RAB3GAP2: variants seen among roughly 807,000 people sequenced by gnomAD.
RAB3GAP2 encodes the protein RAB3 GTPase activating non-catalytic protein subunit 2.
Under a neutral mutation model 185.3 loss-of-function variants are expected in RAB3GAP2, and 87 were observed. The observed-to-expected ratio is 0.47, with a 90% CI of 0.39 to 0.56. RAB3GAP2 has a LOEUF of 0.56. Among genes scored for constraint, RAB3GAP2 ranks in the 20% least tolerant of loss-of-function variants. The pLI, the probability that RAB3GAP2 is intolerant of heterozygous loss-of-function variation, is 0.00. For missense variants in RAB3GAP2, 1,492 were observed against 1,638.2 expected (o/e 0.91, Z 1.54); for synonymous variants, 554 against 576.1 (o/e 0.96, Z 0.55).
In RAB3GAP2 at chr1:220,182,328, G is replaced by T. The variant is rs997283236; in HGVS notation, c.2239C>A (p.His747Asn). ...LGSFFFWKCL[H>N]GESSTEDMCH... ...ATATCCTCAGTGGAGCTTTCTCCATGCAAACACTTCCAAAAAAAGAAACTA... is the reference window on the plus strand; with the variant it reads ...ATATCCTCAGTGGAGCTTTCTCCATTCAAACACTTCCAAAAAAAGAAACTA... Residue 747 changes from histidine (H) to asparagine (N), a missense_variant, in exon 21 of 35, where the codon CAT (histidine) becomes AAT (asparagine). By Grantham distance (68) the His-to-Asn change is moderately conservative. Coordinates refer to ENST00000358951, the MANE Select transcript of RAB3GAP2 (RefSeq NM_012414.4). The T allele has an allele frequency of 6.2e-7, 1 of 1,613,968 alleles. No homozygotes were observed. The highest frequency in any genetic ancestry group is 1.3e-5 in the African/African-American group (1 of 75,008).
chr1:220,203,179 TG>T (rs1349523932), intron 8 of RAB3GAP2, among the ~76,000 whole-genome samples: 1 of 152,144 alleles, frequency 6.6e-6, no homozygotes, highest in African/African-American at 2.4e-5. Flanking sequence ...GCAACAGCAC[TG>T]TCAAAAAAAT....
Position 220,245,298 on chromosome 1 carries a change from C to A in RAB3GAP2, c.116-12435G>T, listed in dbSNP as rs575606259. On this transcript the variant is annotated intron_variant, in intron 1 of 34. Transcript: ENST00000358951. ...GGGAGTGCCAGACAGTGGGCGCAGG[C>A]CAGTGGGTGCGCGCACCATGCGCGA... Among the ~76,000 whole-genome samples the A allele has an allele frequency of 2.7e-3, 402 of 150,388 alleles. 2 individuals carry two copies. Among genetic ancestry groups the A allele is most frequent in the African/African-American group, 9.5e-3 (390 of 40,902 alleles).
chr1:220,237,285 G>A (rs1236605708), intron 1 of RAB3GAP2, among the ~76,000 whole-genome samples: 2 of 152,182 alleles, frequency 1.3e-5, no homozygotes, highest in Middle Eastern at 3.4e-3. Context: ...CAAATTATAC[G>A]GCAATTTAAA....
chr1:220,183,997 G>T, intron 19 of RAB3GAP2, 39 bp downstream of exon 19: 1 of 1,385,402 alleles, frequency 7.2e-7, no homozygotes, highest in East Asian at 2.6e-5. Flanking sequence ...ACTAATCAAA[G>T]AGATTATTTT....
At chr1:220,211,844 CA>C (rs1659090404) in intron 4 of RAB3GAP2, among the ~76,000 whole-genome samples, 1 of 152,146 alleles carries the variant, frequency 6.6e-6, no homozygotes, top group Admixed American at 6.6e-5. Context: ...TGACAGAGAT[CA>C]AATGTCTTTA....
At chr1:220,153,942 A>C (rs1657810252) in intron 32 of RAB3GAP2, 26 bp downstream of exon 32, 1 of 1,611,134 alleles carries the variant, frequency 6.2e-7, no homozygotes, top group South Asian at 1.1e-5. Context: ...AAGAAACAAA[A>C]ACAAAATCCA....
chr1:220,205,486 T>C (rs1219717618), intron 8 of RAB3GAP2, among the ~76,000 whole-genome samples: 1 of 152,152 alleles, frequency 6.6e-6, no homozygotes, highest in Non-Finnish European at 1.5e-5. Flanking sequence ...TGTAGAGTCA[T>C]CAGATTTTAG....
Position 220,150,832 on chromosome 1 carries a change from G to A in RAB3GAP2, c.*419C>T, listed in dbSNP as rs1657737583. 1 of 160,638 alleles carries A rather than the reference G, an allele frequency of 6.2e-6. No individual in the cohort carries two copies. Among genetic ancestry groups the A allele is most frequent in the African/African-American group, 2.4e-5 (1 of 41,446 alleles). 10.0% of individuals were successfully genotyped at this position (160,638 alleles called of 1,614,324 possible). A position where few individuals can be genotyped will look rare whatever the true frequency, so the allele number is the denominator to read the frequency against. On this transcript the variant is annotated 3_prime_UTR_variant, in exon 35 of 35. Coordinates refer to ENST00000358951, the MANE Select transcript of RAB3GAP2 (RefSeq NM_012414.4). ...CTCAACATTTACTAAAGGAGAGTGG[G>A]GTGTTCTATACGCTACTGATGGGGA...
intron 26 of RAB3GAP2, among the ~76,000 whole-genome samples, chr1:220,166,236 A>G (rs1245465090): frequency 6.6e-6 from 1 of 152,154 alleles, no homozygotes; most frequent in East Asian, 1.9e-4. Flanking sequence ...TCTTCCTTTA[A>G]TATATAAGTG....
rs1027206904 is a variant in RAB3GAP2 at position 220,150,815 on chromosome 1, T to C, written c.*436A>G. ...GACAACAAAGGCATTTTCTCAACAT[T>C]TACTAAAGGAGAGTGGGGTGTTCTA... is the stretch of plus-strand genomic sequence containing the variant. On this transcript the variant is annotated 3_prime_UTR_variant, in exon 35 of 35. Coordinates refer to ENST00000358951, the MANE Select transcript of RAB3GAP2 (RefSeq NM_012414.4). The C allele has an allele frequency of 6.4e-6, 1 of 157,438 alleles. No individual in the cohort carries two copies. 9.8% of individuals were successfully genotyped at this position (157,438 alleles called of 1,614,324 possible).
intron 23 of RAB3GAP2, 88 bp from the exon 24 acceptor site, chr1:220,171,208 A>C: frequency 3.6e-6 from 4 of 1,114,368 alleles, no homozygotes; most frequent in Non-Finnish European, 5.4e-6. Flanking sequence ...GCTGATGGAT[A>C]CTGAGGATAC....
intron 29 of RAB3GAP2, 75 bp from the exon 30 acceptor site, chr1:220,157,951 G>GT: frequency 8.8e-7 from 1 of 1,136,024 alleles, no homozygotes; most frequent in South Asian, 1.3e-5. Context: ...ACAAGAACCA[G>GT]GATACAATAC....
intron 2 of RAB3GAP2, among the ~76,000 whole-genome samples, chr1:220,230,505 C>T (rs561726702): frequency 1.5e-4 from 23 of 152,164 alleles, no homozygotes; most frequent in Non-Finnish European, 3.1e-4. Context: ...CCTAATTCTC[C>T]TAGAGGTCTT....
At chr1:220,170,140 C>A (rs1658146346) in intron 24 of RAB3GAP2, among the ~76,000 whole-genome samples, 1 of 152,070 alleles carries the variant, frequency 6.6e-6, no homozygotes, top group African/African-American at 2.4e-5. Context: ...AAGCTGGAAA[C>A]CGTCATTCTC....
chr1:220,241,221 T>G (rs1659692079), intron 1 of RAB3GAP2, among the ~76,000 whole-genome samples: 1 of 152,126 alleles, frequency 6.6e-6, no homozygotes, highest in Admixed American at 6.5e-5. Flanking sequence ...AGTGTATGTT[T>G]TTTTTCATTT....
chr1:220,269,876 C>T (rs778576665), intron 1 of RAB3GAP2, among the ~76,000 whole-genome samples: 5 of 152,152 alleles, frequency 3.3e-5, no homozygotes, highest in Non-Finnish European at 7.3e-5. Context: ...AAGATGGTGG[C>T]CTGGACCAGG....
At chr1:220,243,478 T>C (rs765453274) in intron 1 of RAB3GAP2, among the ~76,000 whole-genome samples, 16 of 152,222 alleles carry the variant, frequency 1.1e-4, no homozygotes, top group Admixed American at 4.6e-4. Context: ...AGATGAAATT[T>C]CTGAGGCAAA....
chr1:220,151,472 G>A (rs1657752946), intron 34 of RAB3GAP2, 66 bp from the exon 35 acceptor site: 44 of 1,605,486 alleles, frequency 2.7e-5, no homozygotes, highest in Non-Finnish European at 3.7e-5. Flanking sequence ...TGACTTAAGA[G>A]TTATTACATA....
intron 24 of RAB3GAP2, among the ~76,000 whole-genome samples, chr1:220,168,544 T>A (rs537226817): frequency 6.6e-6 from 1 of 152,202 alleles, no homozygotes; most frequent in Non-Finnish European, 1.5e-5. Flanking sequence ...ATTACATGCA[T>A]GTGCCACCAT....
Sources: gnomAD v4.1 joint callset for allele counts (sites outside exome capture counted in the v4.1 genomes callset) on GRCh38, gnomAD v4.1.1 for gene constraint, MANE v1.5 for transcripts, NCBI Gene and HGNC (gene_info 2026-07-23, HGNC 2026-07-21) for gene names.